The following ATG4D variants were observed in gnomAD, a reference collection of about 807,000 sequenced individuals.
The protein encoded by ATG4D is autophagy related 4D cysteine peptidase, also known as cysteine protease ATG4D.
A neutral mutation model predicts 55.2 loss-of-function variants in ATG4D; 51 were observed. That is an observed-to-expected ratio of 0.92 (90% CI 0.74 to 1.17). The LOEUF (loss-of-function observed/expected upper bound fraction) is 1.17, where lower values mean the gene tolerates loss of function less well. Among genes scored for constraint, ATG4D ranks in the 50% most tolerant of loss-of-function variants. The pLI is 0.00. For synonymous variants in ATG4D, 268 were observed against 266.2 expected (o/e 1.01, Z -0.07); for missense variants, 635 against 649.6 (o/e 0.98, Z 0.25).
In ATG4D at chr19:10,544,802, G is replaced by A. The variant is rs377537664; in HGVS notation, c.255G>A (p.Arg85=). Residue 85 remains arginine, a synonymous_variant, in exon 2 of 10, where the codon CGG becomes CGA. Transcript: ENST00000309469. ...CCCCAGGTTGGGTGGTTAAAAGCCG[G>A]ACCAGCTTTAGCAAGATCTCCAGCA... The part of the protein sequence containing the change: ...NVKYGWVVKS[R]TSFSKISSIH... 1.9e-6 allele frequency: 3 copies of A among 1,614,080 alleles called. No individual in the cohort carries two copies. The highest frequency in any genetic ancestry group is 2.5e-6 in the Non-Finnish European group (3 of 1,180,002).
At position 10,550,708 on chromosome 19, in the gene ATG4D, C is replaced by CTTTT. The variant is rs34184188; in HGVS notation, c.967-1171_967-1168dup. 8.4e-3 allele frequency among the ~76,000 whole-genome samples: 844 copies of CTTTT among 100,054 alleles called. 35 individuals are homozygous for CTTTT. Among genetic ancestry groups the CTTTT allele is most frequent in the African/African-American group, 0.027 (774 of 28,330 alleles). 65.6% of individuals were successfully genotyped at this position (100,054 alleles called of 152,430 possible). ...ACTCTTTCAGCAGTGATGCATGTGG[C>CTTTT]TTTTTTTTTTTTTTTTTTTTTGAGA... On this transcript the variant is annotated intron_variant, in intron 6 of 9. Transcript: ENST00000309469.
chr19:10,547,341 G>A (rs1433515806), intron 5 of ATG4D, 88 bp downstream of exon 5: 14 of 1,493,602 alleles, frequency 9.4e-6, no homozygotes, highest in East Asian at 2.3e-5. Context: ...TTCCTCAGAG[G>A]CTGGAACAAG....
chr19:10,551,355 G>A (rs1412556100), intron 6 of ATG4D, among the ~76,000 whole-genome samples: 1 of 152,032 alleles, frequency 6.6e-6, no homozygotes, highest in Admixed American at 6.6e-5. Context: ...CCAGCTGCTC[G>A]GGAGGCTGAG....
At chr19:10,546,712 C>T (rs1958632135) in intron 3 of ATG4D, 127 bp from the exon 4 acceptor site, 5 of 1,002,938 alleles carry the variant, frequency 5.0e-6, no homozygotes, top group Non-Finnish European at 7.2e-6. Flanking sequence ...GTATATGTTT[C>T]AGGAATATGT....
chr19:10,548,133 T>G (rs749329530), intron 5 of ATG4D, among the ~76,000 whole-genome samples: 8 of 142,472 alleles, frequency 5.6e-5, no homozygotes, highest in Non-Finnish European at 1.1e-4. Flanking sequence ...TGAGTTCGAG[T>G]GATTCTCCTG....
At chr19:10,547,418 C>T (rs923281107) in intron 5 of ATG4D, among the ~76,000 whole-genome samples, 165 bp downstream of exon 5, 9 of 151,950 alleles carry the variant, frequency 5.9e-5, no homozygotes, top group Non-Finnish European at 1.2e-4. Flanking sequence ...CCCTCTTCTC[C>T]GTCTCTCCCT....
At chr19:10,545,305 C>T (rs1415261092) in intron 3 of ATG4D, among the ~76,000 whole-genome samples, 175 bp downstream of exon 3, 2 of 152,182 alleles carry the variant, frequency 1.3e-5, no homozygotes, top group Non-Finnish European at 2.9e-5. Flanking sequence ...GAAACGGTGG[C>T]TCATGCCTGT....
chr19:10,544,876 T>G lies in ATG4D; in HGVS notation c.319+10T>G. 6.2e-7 allele frequency: 1 copy of G among 1,606,254 alleles called. No homozygotes were observed. The highest frequency in any genetic ancestry group is 8.5e-7 in the Non-Finnish European group (1 of 1,175,496). On this transcript the variant is annotated intron_variant, in intron 2 of 9. Transcript: ENST00000309469. ...CGTTTCGAGGGCGAGGGTGAGCTGG[T>G]GGTTGGGACCAGGGCTGGGGGAGGC...
chr19:10,550,163 A>T (rs1916176650), intron 6 of ATG4D, among the ~76,000 whole-genome samples: 1 of 151,996 alleles, frequency 6.6e-6, no homozygotes, highest in Non-Finnish European at 1.5e-5. Flanking sequence ...GTATGCCACC[A>T]CGCCCGGCTA....
chr19:10,550,253 C>G (rs1036858909), intron 6 of ATG4D, among the ~76,000 whole-genome samples: 1 of 152,088 alleles, frequency 6.6e-6, no homozygotes, highest in Admixed American at 6.6e-5. Flanking sequence ...GGTGATCCAC[C>G]CACCTCGGTC....
chr19:10,547,302 T>C, intron 5 of ATG4D, 49 bp downstream of exon 5: 1 of 1,593,432 alleles, frequency 6.3e-7, no homozygotes, highest in Non-Finnish European at 8.6e-7. Context: ...TGAGCCAGAC[T>C]CTGCCTTACC....
rs1020372245 is a variant in ATG4D, at chr19:10,544,853, T to G, written c.306T>G (p.Arg102=). Residue 102 remains arginine (R), a synonymous_variant, in exon 2 of 10, where the codon CGT becomes CGG. Coordinates refer to ENST00000309469, the MANE Select transcript of ATG4D (RefSeq NM_032885.6). ...SSIHLCGRRY[R]FEGEGDIQRF... is the part of the protein sequence containing the mutation. ...TCCACCTCTGTGGCCGCCGCTACCG[T>G]TTCGAGGGCGAGGGTGAGCTGGTGG... The G allele has an allele frequency of 6.2e-7, 1 of 1,611,342 alleles. No individual in the cohort carries two copies. The highest frequency in any genetic ancestry group is 8.5e-7 in the Non-Finnish European group (1 of 1,178,386).
intron 9 of ATG4D, among the ~76,000 whole-genome samples, chr19:10,552,528 G>A (rs1916304120): frequency 6.6e-6 from 1 of 152,196 alleles, no homozygotes; most frequent in African/African-American, 2.4e-5. Flanking sequence ...CTTGGAGGCA[G>A]CTGTATCCAG....
chr19:10,553,325 C>T lies in ATG4D; in HGVS notation c.*258C>T, dbSNP rs1423613011. 4.4e-6 allele frequency: 2 copies of T among 452,982 alleles called. No homozygotes were observed. The highest frequency in any genetic ancestry group is 7.9e-6 in the Non-Finnish European group (2 of 251,930). The allele number at this position is 452,982 out of a possible 1,614,324, so 28.1% of individuals were successfully genotyped here. ...CCCCCCTCAGGGCCTGACTCACGTA[C>T]TGTAGTTTGCACTGGACGCCCGGGC... On this transcript the variant is annotated 3_prime_UTR_variant, in exon 10 of 10. Coordinates refer to ENST00000309469, the MANE Select transcript of ATG4D (RefSeq NM_032885.6).
intron 5 of ATG4D, 104 bp downstream of exon 5, chr19:10,547,357 G>C: frequency 7.3e-7 from 1 of 1,376,886 alleles, no homozygotes; most frequent in East Asian, 2.4e-5. Flanking sequence ...ACAAGTTGTG[G>C]GGCAGAGGGA....
chr19:10,544,051 C>T lies in ATG4D; in HGVS notation c.-40C>T, dbSNP rs976124127. ...CGCCCTTGGGGGGCAGCGGCCGCAG[C>T]CCCCCACCTGGGCCCTCGGTCCGCC... On this transcript the variant is annotated 5_prime_UTR_variant, in exon 1 of 10. Coordinates refer to ENST00000309469, the MANE Select transcript of ATG4D (RefSeq NM_032885.6). 49 of 1,213,480 alleles carry T rather than the reference C, an allele frequency of 4.0e-5. No homozygotes were observed. The highest frequency in any genetic ancestry group is 4.7e-5 in the African/African-American group (3 of 63,728). 75.2% of individuals were successfully genotyped at this position (1,213,480 alleles called of 1,614,324 possible).
rs951254301 is a variant in ATG4D at position 10,553,342 on chromosome 19, C to T, written c.*275C>T. On this transcript the variant is annotated 3_prime_UTR_variant, in exon 10 of 10. Coordinates refer to ENST00000309469, the MANE Select transcript of ATG4D (RefSeq NM_032885.6). ...CTCACGTACTGTAGTTTGCACTGGACGCCCGGGCCCTCCCTGTCCCAAAGC... is the reference window on the plus strand; with the variant it reads ...CTCACGTACTGTAGTTTGCACTGGATGCCCGGGCCCTCCCTGTCCCAAAGC... 186 of 362,300 alleles carry T rather than the reference C, an allele frequency of 5.1e-4. No homozygotes were observed. The Middle Eastern group carries it at 5.4e-3, about 11-fold the overall frequency. The allele number at this position is 362,300 out of a possible 1,614,324, so 22.4% of individuals were successfully genotyped here. A position where few individuals can be genotyped will look rare whatever the true frequency, so the allele number is the denominator to read the frequency against.
chr19:10,544,731 G>A (rs758596748), intron 1 of ATG4D, 52 bp from the exon 2 acceptor site: 1 of 1,608,806 alleles, frequency 6.2e-7, no homozygotes, highest in Non-Finnish European at 8.5e-7. Context: ...AAGCGCTGTT[G>A]CTGTCATGCA....
At chr19:10,547,146 G>T (rs768245763) in intron 4 of ATG4D, 31 bp downstream of exon 4, 1 of 1,611,188 alleles carries the variant, frequency 6.2e-7, no homozygotes, top group Non-Finnish European at 8.5e-7. Context: ...CACGGGAGTT[G>T]CTGGGTACCC....
Sources: allele counts gnomAD v4.1 joint callset (sites outside exome capture counted in the v4.1 genomes callset), GRCh38; gene constraint gnomAD v4.1.1; transcripts MANE v1.5; gene names NCBI Gene and HGNC (gene_info 2026-07-23, HGNC 2026-07-21).